The following AGBL4 variants were observed in gnomAD, a reference collection of about 807,000 sequenced individuals.
The protein encoded by AGBL4 is AGBL carboxypeptidase 4, also known as cytosolic carboxypeptidase 6.
In AGBL4, 58 loss-of-function variants were observed where a neutral mutation model predicts 66.4. The ratio of observed to expected loss-of-function variants is 0.87; its 90% CI spans 0.71 to 1.09. The LOEUF (loss-of-function observed/expected upper bound fraction) is 1.09, where lower values mean the gene tolerates loss of function less well. AGBL4 is among the 50% of genes least tolerant of loss of function. The pLI is 0.00. For missense variants in AGBL4, 579 were observed against 631.0 expected (o/e 0.92, Z 0.88); for synonymous variants, 234 against 222.9 (o/e 1.05, Z -0.44).
At chr1:49,753,575 T>G (rs1357234500) in intron 2 of AGBL4, among the ~76,000 whole-genome samples, 1 of 152,164 alleles carries the variant, frequency 6.6e-6, no homozygotes, top group East Asian at 1.9e-4. Context: ...GGAATATCTC[T>G]GTGGTGTTGT....
In AGBL4 at chr1:49,262,187, G is replaced by C. The variant is rs377029509; in HGVS notation, c.283-16323C>G. ...AGATGGATTAAAGACTTAAACTTTA[G>C]ACCTAAAACCATAAAAACCCTAGAA... On this transcript the variant is annotated intron_variant, in intron 3 of 13. Coordinates refer to ENST00000371839, the MANE Select transcript of AGBL4 (RefSeq NM_032785.4). Among the ~76,000 whole-genome samples the C allele has an allele frequency of 2.6e-5, 4 of 152,074 alleles. No individual in the cohort carries two copies. In the East Asian group the frequency reaches 5.8e-4, roughly 22 times the overall value.
At chr1:49,017,073 G>A (rs992657975) in intron 5 of AGBL4, among the ~76,000 whole-genome samples, 1 of 152,200 alleles carries the variant, frequency 6.6e-6, no homozygotes, top group African/African-American at 2.4e-5. Flanking sequence ...ACAGGAAGAA[G>A]CCTAGAATAG....
At chr1:48,640,744 A>G (rs1999709) in intron 8 of AGBL4, among the ~76,000 whole-genome samples, 104,542 of 151,990 alleles carry the variant, frequency 0.69, 36,639 homozygotes, top group African/African-American at 0.8. Context: ...TAAAAGAGAC[A>G]CTAAGCTACT....
intron 3 of AGBL4, among the ~76,000 whole-genome samples, chr1:49,692,717 CAAA>C (rs1205355419): frequency 6.1e-5 from 5 of 82,418 alleles, no homozygotes; most frequent in Admixed American, 1.3e-4. Context: ...GACTCTGTCT[CAAA>C]AAAAAAAAAA....
intron 1 of AGBL4, among the ~76,000 whole-genome samples, chr1:49,889,848 A>T: frequency 6.6e-6 from 1 of 152,250 alleles, no homozygotes; most frequent in Non-Finnish European, 1.5e-5. Flanking sequence ...ACATTGCCGA[A>T]CAAAGTGTCT....
At chr1:49,116,466 T>C (rs1645525228) in intron 4 of AGBL4, among the ~76,000 whole-genome samples, 3 of 152,056 alleles carry the variant, frequency 2.0e-5, no homozygotes, top group South Asian at 2.1e-4. Context: ...TGAGAACATG[T>C]GGTGTTTGAT....
chr1:49,974,547 T>TA (rs1658404834), intron 1 of AGBL4, among the ~76,000 whole-genome samples: 3 of 152,178 alleles, frequency 2.0e-5, no homozygotes, highest in Admixed American at 2.0e-4. Context: ...ACTGCATTTT[T>TA]AAAAATCAAA....
intron 4 of AGBL4, among the ~76,000 whole-genome samples, chr1:49,171,513 T>C (rs1441529697): frequency 6.6e-6 from 1 of 152,098 alleles, no homozygotes; most frequent in African/African-American, 2.4e-5. Flanking sequence ...CAAGGATATA[T>C]CTAGAAATAA....
At chr1:48,873,734 A>G (rs1285774443) in intron 5 of AGBL4, among the ~76,000 whole-genome samples, 1 of 152,122 alleles carries the variant, frequency 6.6e-6, no homozygotes, top group East Asian at 1.9e-4. Flanking sequence ...ACATACCCAT[A>G]CAAAACTCAT....
chr1:49,312,510 A>C (rs1298884149), intron 3 of AGBL4, among the ~76,000 whole-genome samples: 1 of 152,126 alleles, frequency 6.6e-6, no homozygotes, highest in East Asian at 1.9e-4. Flanking sequence ...TCATTTACTT[A>C]ATATAAAAAG....
At chr1:49,219,171 C>T (rs1325875884) in intron 4 of AGBL4, among the ~76,000 whole-genome samples, 2 of 152,074 alleles carry the variant, frequency 1.3e-5, no homozygotes, top group African/African-American at 2.4e-5. Context: ...CTGTATACTC[C>T]CTTTTCTATG....
chr1:49,591,701 C>T (rs577622961), intron 3 of AGBL4, among the ~76,000 whole-genome samples: 100 of 152,202 alleles, frequency 6.6e-4, no homozygotes, highest in Non-Finnish European at 1.1e-3. Flanking sequence ...TACAGGGCTA[C>T]TGAAACCAAA....
At chr1:49,009,780 C>T (rs993171350) in intron 5 of AGBL4, among the ~76,000 whole-genome samples, 6 of 152,064 alleles carry the variant, frequency 3.9e-5, no homozygotes, top group Non-Finnish European at 8.8e-5. Context: ...ACAAAAACCA[C>T]ATGATTATCT....
chr1:49,981,464 T>C (rs751870787), intron 1 of AGBL4, among the ~76,000 whole-genome samples: 1 of 152,108 alleles, frequency 6.6e-6, no homozygotes, highest in Non-Finnish European at 1.5e-5. Flanking sequence ...ACTAAACAAC[T>C]ATGGATTCAG....
intron 3 of AGBL4, among the ~76,000 whole-genome samples, chr1:49,444,922 G>GTGTGATTA (rs1231501002): frequency 7.3e-5 from 11 of 150,974 alleles, no homozygotes; most frequent in Admixed American, 1.3e-4. Context: ...TTCTTCCTTT[G>GTGTGATTA]TGTGATTACT....
At chr1:49,428,935 G>T (rs1321134250) in intron 3 of AGBL4, among the ~76,000 whole-genome samples, 1 of 152,082 alleles carries the variant, frequency 6.6e-6, no homozygotes, top group Non-Finnish European at 1.5e-5. Flanking sequence ...TCCCAAATTT[G>T]CCAGCCATTC....
At chr1:49,917,073 C>A (rs546509318) in intron 1 of AGBL4, among the ~76,000 whole-genome samples, 9 of 152,178 alleles carry the variant, frequency 5.9e-5, no homozygotes, top group African/African-American at 1.9e-4. Context: ...CCAACAAGAG[C>A]TCCTGAAAGA....
chr1:48,718,669 T>C (rs1469866471), intron 6 of AGBL4, among the ~76,000 whole-genome samples: 2 of 151,968 alleles, frequency 1.3e-5, no homozygotes, highest in African/African-American at 4.8e-5. Flanking sequence ...CCACCTGGAG[T>C]GCTCTGAGGT....
At chr1:48,728,098 C>G (rs947734971) in intron 6 of AGBL4, 35 of 1,506,574 alleles carry the variant, frequency 2.3e-5, no homozygotes, top group Non-Finnish European at 3.0e-5. Flanking sequence ...AAGTAAAAAT[C>G]TTTTAAGGAG....
Sources: gnomAD v4.1 joint callset for allele counts (sites outside exome capture counted in the v4.1 genomes callset) on GRCh38, gnomAD v4.1.1 for gene constraint, MANE v1.5 for transcripts, NCBI Gene and HGNC (gene_info 2026-07-23, HGNC 2026-07-21) for gene names.